PIEZO1: variants seen among roughly 807,000 people sequenced by gnomAD.
The protein encoded by PIEZO1 is piezo type mechanosensitive ion channel component 1 (Er blood group), also known as piezo-type mechanosensitive ion channel component 1.
In PIEZO1, 296 loss-of-function variants were observed where a neutral mutation model predicts 297.2. That is an observed-to-expected ratio of 1.00 (90% CI 0.91 to 1.10). The LOEUF is 1.10. Ranked by LOEUF, PIEZO1 falls within the 50% of genes least tolerant of loss-of-function variation. PIEZO1 has a pLI of 0.00. For synonymous variants in PIEZO1, 2,427 were observed against 1,507.5 expected (o/e 1.61, Z -14.13); for missense variants, 5,018 against 3,455.5 (o/e 1.45, Z -11.34).
At chr16:88,731,464 A>G (rs886935430) in intron 22 of PIEZO1, 1 of 548,158 alleles carries the variant, frequency 1.8e-6, no homozygotes, top group Non-Finnish European at 3.2e-6. Context: ...AAATATTTCA[A>G]GATAGAATAC....
chr16:88,716,712 C>G lies in PIEZO1; in HGVS notation c.6773G>C (p.Ser2258Thr). 3 of 1,548,390 alleles carry G rather than the reference C, an allele frequency of 1.9e-6. No homozygotes were observed. Among genetic ancestry groups the G allele is most frequent in the African/African-American group, 1.4e-5 (1 of 73,184 alleles). ...GACGATGTCCTCAGGGCTGTACTGG[C>G]TGATGAACTGCATGGCCAGCTGGGT... ...DPQPLAMQFI[S>T]QYSPEDIVTA... Residue 2258 changes from serine to threonine, a missense_variant, in exon 47 of 51, where the codon AGC (serine) becomes ACC (threonine). Ser to Thr is a moderately conservative substitution (Grantham distance 58). Coordinates refer to ENST00000301015, the MANE Select transcript of PIEZO1 (RefSeq NM_001142864.4).
In PIEZO1 at chr16:88,776,350, C is replaced by T. The variant is rs191872571; in HGVS notation, c.64+8551G>A. 1.0e-3 allele frequency among the ~76,000 whole-genome samples: 153 copies of T among 152,116 alleles called. 2 individuals carry two copies. In the Middle Eastern group the frequency reaches 0.024, roughly 24 times the overall value. On this transcript the variant is annotated intron_variant, in intron 1 of 50. Transcript: ENST00000301015. ...TCGGGAGGCTGAGGAAGGAGAATGG[C>T]GTGAACCTGGGAGGCAGAGCTTGCA...
At chr16:88,784,256 C>T (rs1025891760) in intron 1 of PIEZO1, among the ~76,000 whole-genome samples, 27 of 152,364 alleles carry the variant, frequency 1.8e-4, no homozygotes, top group African/African-American at 6.3e-4. Flanking sequence ...GAGGCCGGCC[C>T]CCGCCCCTGC....
chr16:88,758,232 G>A (rs902822884), intron 1 of PIEZO1, among the ~76,000 whole-genome samples: 4 of 152,124 alleles, frequency 2.6e-5, no homozygotes, highest in African/African-American at 7.2e-5. Context: ...CTTGTGCACC[G>A]AGACCAACTG....
At chr16:88,719,473 G>A in intron 44 of PIEZO1, 101 bp downstream of exon 44, 1 of 1,160,324 alleles carries the variant, frequency 8.6e-7, no homozygotes, top group East Asian at 2.6e-5. Flanking sequence ...AGCCCTGGGA[G>A]GGCCTCCAGC....
chr16:88,768,736 AC>A (rs1907291137), intron 1 of PIEZO1, among the ~76,000 whole-genome samples: 1 of 151,810 alleles, frequency 6.6e-6, no homozygotes, highest in South Asian at 2.1e-4. Context: ...GACCGTCCCC[AC>A]CCCTGCAGCC....
intron 30 of PIEZO1, among the ~76,000 whole-genome samples, chr16:88,724,350 G>T (rs1019439587): frequency 1.2e-4 from 18 of 152,128 alleles, no homozygotes; most frequent in African/African-American, 4.3e-4. Flanking sequence ...GGCCAATATG[G>T]TGAAACCCCA....
intron 1 of PIEZO1, among the ~76,000 whole-genome samples, chr16:88,778,711 CA>C (rs1907789428): frequency 6.6e-6 from 1 of 152,212 alleles, no homozygotes; most frequent in Non-Finnish European, 1.5e-5. Context: ...CCCTGCAACC[CA>C]GCGTCCACCG....
At chr16:88,773,193 C>T (rs1238876940) in intron 1 of PIEZO1, among the ~76,000 whole-genome samples, 1 of 152,240 alleles carries the variant, frequency 6.6e-6, no homozygotes, top group Non-Finnish European at 1.5e-5. Flanking sequence ...GCCTCCCCCT[C>T]TGGCCCCCCA....
intron 5 of PIEZO1, 120 bp from the exon 6 acceptor site, chr16:88,738,856 G>T (rs1197106972): frequency 3.4e-6 from 3 of 886,130 alleles, no homozygotes; most frequent in South Asian, 1.7e-5. Flanking sequence ...TCCTCTGAGG[G>T]CCACAGGACA....
chr16:88,757,325 G>GA (rs752650335), intron 1 of PIEZO1, among the ~76,000 whole-genome samples: 1 of 84,114 alleles, frequency 1.2e-5, no homozygotes, highest in Non-Finnish European at 2.5e-5. Context: ...CTGGCGGGGG[G>GA]GTGGGGGGTA....
chr16:88,716,009 C>A lies in PIEZO1; in HGVS notation c.7240G>T (p.Asp2414Tyr). Residue 2414 changes from aspartate (D) to tyrosine (Y), a missense_variant, in exon 50 of 51, where the codon GAC (aspartate) becomes TAC (tyrosine). Transcript: ENST00000301015. ...WVIELQECRT[D>Y]CNLLPMVIFS... ...ATGACCATGGGCAGCAGGTTGCAGT[C>A]GGTCCGGCACTCCTGCAGCTCGATG... 4 of 1,550,194 alleles carry A rather than the reference C, an allele frequency of 2.6e-6. No individual in the cohort carries two copies. Among genetic ancestry groups the A allele is most frequent in the Non-Finnish European group, 3.5e-6 (4 of 1,146,904 alleles).
Position 88,742,382 on chromosome 16 carries a change from G to A in PIEZO1, c.201C>T (p.Ser67=). The A allele has an allele frequency of 2.6e-6, 4 of 1,535,404 alleles. No homozygotes were observed. The highest frequency in any genetic ancestry group is 3.5e-6 in the Non-Finnish European group (4 of 1,146,666). Residue 67 remains serine (S), a synonymous_variant, in exon 3 of 51, where the codon AGC becomes AGT. Transcript: ENST00000301015. ...CGAGATGGGCCACCAGGAAGAGCAGGCTGAGGCCCAGCAATGCCCGCAGGA... is the reference window on the plus strand; with the variant it reads ...CGAGATGGGCCACCAGGAAGAGCAGACTGAGGCCCAGCAATGCCCGCAGGA... ...GRLLRALLGL[S]LLFLVAHLAL...
At chr16:88,771,213 C>T (rs1907410701) in intron 1 of PIEZO1, among the ~76,000 whole-genome samples, 1 of 152,230 alleles carries the variant, frequency 6.6e-6, no homozygotes, top group Non-Finnish European at 1.5e-5. Context: ...CTTGCAGGAA[C>T]TCTGCACCCA....
intron 1 of PIEZO1, among the ~76,000 whole-genome samples, chr16:88,776,433 C>CAA (rs953674823): frequency 3.6e-5 from 5 of 138,552 alleles, no homozygotes; most frequent in African/African-American, 1.1e-4. Context: ...GACTCTGTCT[C>CAA]AAAAAAAAAA....
At chr16:88,743,520 G>A (rs1905838546) in intron 2 of PIEZO1, 1 of 456,374 alleles carries the variant, frequency 2.2e-6, no homozygotes, top group South Asian at 1.5e-5. Flanking sequence ...CCAAGGTGGT[G>A]AATGTCACCA....
intron 1 of PIEZO1, among the ~76,000 whole-genome samples, chr16:88,754,937 G>C (rs550446817): frequency 1.8e-4 from 28 of 152,364 alleles, no homozygotes; most frequent in African/African-American, 6.5e-4. Context: ...CACAGGAGCT[G>C]AAAGCTGGGG....
At chr16:88,748,227 G>A (rs1158301080) in intron 2 of PIEZO1, among the ~76,000 whole-genome samples, 1 of 50,728 alleles carries the variant, frequency 2.0e-5, no homozygotes, top group Non-Finnish European at 4.1e-5. Flanking sequence ...CCCCACCCAC[G>A]TTTGGCCCAT....
rs763489080 is a variant in PIEZO1, at chr16:88,715,755, C to T, written c.7416G>A (p.Pro2472=). The T allele has an allele frequency of 7.2e-5, 111 of 1,550,438 alleles. No individual in the cohort carries two copies. Among genetic ancestry groups the T allele is most frequent in the African/African-American group, 2.7e-5 (2 of 73,188 alleles). Residue 2472 remains proline, a synonymous_variant, in exon 51 of 51, where the codon CCG becomes CCA. Coordinates refer to ENST00000301015, the MANE Select transcript of PIEZO1 (RefSeq NM_001142864.4). Reference sequence around the variant, plus strand: ...AGAGCTTGAGGATGCGGTCCACGCACGGCAGCTCCTCGAACATAATGGAGT... The same window carrying T: ...AGAGCTTGAGGATGCGGTCCACGCATGGCAGCTCCTCGAACATAATGGAGT... ...ISHSIMFEEL[P]CVDRILKLCQ...
Sources: gnomAD v4.1 joint callset for allele counts (sites outside exome capture counted in the v4.1 genomes callset) on GRCh38, gnomAD v4.1.1 for gene constraint, MANE v1.5 for transcripts, NCBI Gene and HGNC (gene_info 2026-07-23, HGNC 2026-07-21) for gene names.